The following MACF1 variants were observed in gnomAD, a reference collection of about 807,000 sequenced individuals.
The protein encoded by MACF1 is microtubule actin crosslinking factor 1.
A neutral mutation model predicts 854.8 loss-of-function variants in MACF1; 193 were observed. The observed-to-expected ratio is 0.23, with a 90% CI of 0.20 to 0.25. The LOEUF is 0.25. MACF1 is among the 10% of genes least tolerant of loss of function. The pLI is 1.00. For synonymous variants in MACF1, 3,185 were observed against 3,226.7 expected (o/e 0.99, Z 0.44); for missense variants, 7,722 against 8,929.1 (o/e 0.86, Z 5.45).
intron 2 of MACF1, among the ~76,000 whole-genome samples, chr1:39,117,549 T>TGTGA (rs1285350352): frequency 6.6e-6 from 1 of 151,182 alleles, no homozygotes; most frequent in African/African-American, 2.4e-5. Flanking sequence ...TGTGTGTGTG[T>TGTGA]GTGTGTGTGT....
intron 1 of MACF1, among the ~76,000 whole-genome samples, chr1:39,209,448 G>A (rs1644491038): frequency 6.6e-6 from 1 of 152,092 alleles, no homozygotes; most frequent in Non-Finnish European, 1.5e-5. Flanking sequence ...AACAGGAAAA[G>A]AGCTTTATGG....
chr1:39,148,336 G>C (rs570201260), intron 2 of MACF1, among the ~76,000 whole-genome samples: 1 of 152,190 alleles, frequency 6.6e-6, no homozygotes, highest in East Asian at 1.9e-4. Context: ...AAATCTGAAA[G>C]AGTTATGCTA....
At chr1:39,183,565 G>T (rs1360883999) in intron 2 of MACF1, among the ~76,000 whole-genome samples, 1 of 152,010 alleles carries the variant, frequency 6.6e-6, no homozygotes, top group African/African-American at 2.4e-5. Context: ...TCATTTTTTT[G>T]CAGGAGAATA....
intron 20 of MACF1, among the ~76,000 whole-genome samples, chr1:39,297,221 T>C (rs552010415): frequency 1.3e-5 from 2 of 152,172 alleles, no homozygotes; most frequent in Non-Finnish European, 1.5e-5. Context: ...CCACCGCGCC[T>C]GGCCTTTTGC....
intron 66 of MACF1, among the ~76,000 whole-genome samples, chr1:39,431,579 C>T (rs1643876066): frequency 6.6e-6 from 1 of 152,156 alleles, no homozygotes; most frequent in Admixed American, 6.5e-5. Context: ...TATCCCTTAT[C>T]TTGGCCAGAT....
intron 43 of MACF1, among the ~76,000 whole-genome samples, chr1:39,352,695 T>TTA (rs1483219203): frequency 6.6e-6 from 1 of 151,962 alleles, no homozygotes; most frequent in Non-Finnish European, 1.5e-5. Flanking sequence ...TTTTTTGTAT[T>TTA]TTTAGTAGAG....
At chr1:39,290,714 C>CTGGA (rs1645761502) in intron 15 of MACF1, among the ~76,000 whole-genome samples, 1 of 127,008 alleles carries the variant, frequency 7.9e-6, no homozygotes, top group Admixed American at 9.9e-5. Flanking sequence ...GTTGCCCAAA[C>CTGGA]TGGAGTGCAA....
chr1:39,403,519 T>C (rs1642564998), intron 58 of MACF1, among the ~76,000 whole-genome samples: 1 of 152,204 alleles, frequency 6.6e-6, no homozygotes, highest in Admixed American at 6.5e-5. Context: ...TGAATTCAAA[T>C]ATTTTATTCT....
At chr1:39,469,473 A>G (rs1644734990) in intron 96 of MACF1, 74 bp from the exon 97 acceptor site, 2 of 1,153,940 alleles carry the variant, frequency 1.7e-6, no homozygotes, top group South Asian at 1.3e-5. Flanking sequence ...CTGTCTGCCA[A>G]TTTGTCTTTC....
intron 97 of MACF1, 138 bp downstream of exon 97, chr1:39,469,753 C>A: frequency 2.9e-6 from 2 of 684,120 alleles, no homozygotes. Flanking sequence ...CATAGCTTTT[C>A]TAACTACTCA....
chr1:39,152,180 G>A (rs182270292), intron 2 of MACF1, among the ~76,000 whole-genome samples: 30 of 152,042 alleles, frequency 2.0e-4, no homozygotes, highest in Admixed American at 7.2e-4. Context: ...TCACCATGTT[G>A]GCCAGGATGG....
intron 2 of MACF1, among the ~76,000 whole-genome samples, chr1:39,239,520 A>G (rs1644897591): frequency 6.6e-6 from 1 of 152,232 alleles, no homozygotes; most frequent in Non-Finnish European, 1.5e-5. Flanking sequence ...GAATGTAAAC[A>G]TACATATGTA....
chr1:39,423,874 A>G (rs545907215), intron 60 of MACF1, among the ~76,000 whole-genome samples, 154 bp from the exon 61 acceptor site: 3 of 151,932 alleles, frequency 2.0e-5, no homozygotes, highest in East Asian at 3.9e-4. Context: ...GAACTGTGCT[A>G]TATCTCCTGT....
At chr1:39,285,816 T>C in intron 14 of MACF1, 58 bp downstream of exon 14, 1 of 1,583,650 alleles carries the variant, frequency 6.3e-7, no homozygotes. Flanking sequence ...GGCTCATGGA[T>C]CAAGAGTAGA....
At chr1:39,217,988 C>T (rs1476217904) in intron 1 of MACF1, among the ~76,000 whole-genome samples, 1 of 151,642 alleles carries the variant, frequency 6.6e-6, no homozygotes, top group African/African-American at 2.4e-5. Context: ...TCGAGACCAT[C>T]CTGGCTGACA....
chr1:39,426,634 G>A (rs746204842), intron 61 of MACF1, among the ~76,000 whole-genome samples: 18 of 152,220 alleles, frequency 1.2e-4, no homozygotes, highest in African/African-American at 2.4e-4. Flanking sequence ...ACTTTGGAAA[G>A]TACATCTCTT....
chr1:39,088,755 G>A (rs994805667), intron 2 of MACF1, among the ~76,000 whole-genome samples: 1 of 152,208 alleles, frequency 6.6e-6, no homozygotes, highest in Admixed American at 6.5e-5. Flanking sequence ...AGTATATTGA[G>A]AACAGGGTGC....
chr1:39,280,589 T>C (rs1645524120), intron 6 of MACF1, among the ~76,000 whole-genome samples: 1 of 152,150 alleles, frequency 6.6e-6, no homozygotes, highest in Non-Finnish European at 1.5e-5. Flanking sequence ...TTTATTTTTA[T>C]GTTTTTGAGA....
intron 9 of MACF1, 48 bp from the exon 10 acceptor site, chr1:39,284,018 T>C (rs1403099680): frequency 1.9e-6 from 3 of 1,599,896 alleles, no homozygotes; most frequent in Non-Finnish European, 2.6e-6. Flanking sequence ...CTTGTGCTTG[T>C]TTTGGATATT....
Sources: allele counts gnomAD v4.1 joint callset (sites outside exome capture counted in the v4.1 genomes callset), GRCh38; gene constraint gnomAD v4.1.1; transcripts MANE v1.5; gene names NCBI Gene and HGNC (gene_info 2026-07-23, HGNC 2026-07-21).